FBXL18: variants seen among roughly 807,000 people sequenced by gnomAD.
FBXL18 encodes the protein F-box/LRR-repeat protein 18.
In FBXL18, 36 loss-of-function variants were observed where a neutral mutation model predicts 46.0. That is an observed-to-expected ratio of 0.78 (90% confidence interval 0.60 to 1.03). The LOEUF (loss-of-function observed/expected upper bound fraction) is 1.03, where lower values mean the gene tolerates loss of function less well. Among genes scored for constraint, FBXL18 ranks in the 50% least tolerant of loss-of-function variants. The pLI is 0.00. For synonymous variants in FBXL18, 557 were observed against 465.3 expected (o/e 1.20, Z -2.54); for missense variants, 977 against 1,004.1 (o/e 0.97, Z 0.36).
chr7:5,464,992 G>T (rs1381270751), intron 4 of FBXL18, among the ~76,000 whole-genome samples: 5 of 152,094 alleles, frequency 3.3e-5, no homozygotes, highest in African/African-American at 1.2e-4. Flanking sequence ...GAACCCAGGA[G>T]ATGGAGGTTG....
chr7:5,458,510 C>A (rs1394733333), intron 4 of FBXL18, among the ~76,000 whole-genome samples: 1 of 151,854 alleles, frequency 6.6e-6, no homozygotes, highest in South Asian at 2.1e-4. Context: ...CCAGCCTGAT[C>A]TACATGATGA....
In FBXL18 at chr7:5,501,502, T is replaced by C; in HGVS notation, c.767A>G (p.Asp256Gly). 6.2e-7 allele frequency: 1 copy of C among 1,613,778 alleles called. No individual in the cohort carries two copies. The highest frequency in any genetic ancestry group is 2.2e-5 in the East Asian group (1 of 44,860). The change falls in exon 3 of 5, where the codon GAC becomes GGC. Residue 256 changes from aspartate to glycine, a missense_variant. Asp to Gly is a moderately conservative substitution (Grantham distance 94). Transcript: ENST00000382368. ...VVRLYLAVLS[D>G]RTPQNLHAFL... ...GGCGTGGAGGTTCTGAGGAGTGCGG[T>C]CGCTAAGCACAGCCAGGTAGAGCCG...
intron 4 of FBXL18, among the ~76,000 whole-genome samples, chr7:5,484,236 G>A (rs940536027): frequency 9.2e-5 from 14 of 152,170 alleles, no homozygotes; most frequent in African/African-American, 1.9e-4. Flanking sequence ...GGGAGGCCAA[G>A]GCGGGTGGAT....
At chr7:5,460,706 GC>G (rs1783231679) in intron 4 of FBXL18, among the ~76,000 whole-genome samples, 1 of 152,132 alleles carries the variant, frequency 6.6e-6, no homozygotes, top group African/African-American at 2.4e-5. Flanking sequence ...GCCCACCTCG[GC>G]CTCCCAAAGC....
chr7:5,467,048 C>A (rs1490066663), intron 4 of FBXL18, among the ~76,000 whole-genome samples: 1 of 152,070 alleles, frequency 6.6e-6, no homozygotes, highest in African/African-American at 2.4e-5. Context: ...GAAACCCTGT[C>A]TCGATTAAAA....
chr7:5,500,027 T>C (rs1237740111), intron 3 of FBXL18, among the ~76,000 whole-genome samples: 3 of 151,068 alleles, frequency 2.0e-5, no homozygotes, highest in African/African-American at 7.3e-5. Context: ...ATGGCACCAC[T>C]GCACTCCAGC....
chr7:5,505,385 T>A, intron 2 of FBXL18, 27 bp downstream of exon 2: 1 of 1,604,548 alleles, frequency 6.2e-7, no homozygotes. Flanking sequence ...AGCTTGTTTC[T>A]CATCTCCTGC....
chr7:5,502,835 A>AG (rs1315833178), intron 2 of FBXL18, among the ~76,000 whole-genome samples: 2 of 16,362 alleles, frequency 1.2e-4, no homozygotes, highest in Non-Finnish European at 5.0e-4. Flanking sequence ...TCAAAAAAGA[A>AG]AAAAAAAAAA....
chr7:5,464,879 C>T (rs1284736821), intron 4 of FBXL18, among the ~76,000 whole-genome samples: 4 of 151,596 alleles, frequency 2.6e-5, no homozygotes, highest in African/African-American at 9.7e-5. Flanking sequence ...GCCTGGACAA[C>T]ACGGTGAAAC....
chr7:5,481,506 A>G lies in FBXL18; in HGVS notation c.*269T>C. On this transcript the variant is annotated 3_prime_UTR_variant, in exon 5 of 5. Transcript: ENST00000382368. ...ATACAAACCCCCCAGCCAGGCCCCA[A>G]GGGTCAGCCTGGTTCAGCCAGCCCC... 2.6e-6 allele frequency: 1 copy of G among 389,084 alleles called. No homozygotes were observed. Among genetic ancestry groups the G allele is most frequent in the Non-Finnish European group, 4.7e-6 (1 of 211,364 alleles). 24.1% of individuals were successfully genotyped at this position (389,084 alleles called of 1,614,324 possible).
In FBXL18 at chr7:5,496,563, C is replaced by T. The variant is rs1205488798; in HGVS notation, c.1781+3925G>A. Reference sequence around the variant, plus strand: ...GCCTGGACTCAGGGCTTGGCTTAGGCCCATCAACTAGGAGGCCACACTTAA... The same window carrying T: ...GCCTGGACTCAGGGCTTGGCTTAGGTCCATCAACTAGGAGGCCACACTTAA... On this transcript the variant is annotated intron_variant, in intron 3 of 4. Transcript: ENST00000382368. The surrounding 1 kb of genome is among the most constrained non-coding windows in gnomAD (Gnocchi z 4.8). Among the ~76,000 whole-genome samples the T allele has an allele frequency of 6.6e-6, 1 of 152,196 alleles. No homozygotes were observed. The highest frequency in any genetic ancestry group is 1.5e-5 in the Non-Finnish European group (1 of 68,038).
chr7:5,513,729 C>A lies in FBXL18; in HGVS notation c.-55G>T. On this transcript the variant is annotated 5_prime_UTR_variant, in exon 1 of 5. The change creates a new upstream start codon in the 5' untranslated region. Coordinates refer to ENST00000382368, the MANE Select transcript of FBXL18 (RefSeq NM_024963.6). ...GGATCCGCAACCCCGTGCCTCCCAC[C>A]TGCCCGGCTAGGGATGCTCGAAGCC... The A allele has an allele frequency of 6.3e-7, 1 of 1,580,488 alleles. No homozygotes were observed. The highest frequency in any genetic ancestry group is 8.6e-7 in the Non-Finnish European group (1 of 1,163,958).
chr7:5,505,644 G>C lies in FBXL18; in HGVS notation c.19-14C>G. 1 of 1,610,004 alleles carries C rather than the reference G, an allele frequency of 6.2e-7. No homozygotes were observed. The highest frequency in any genetic ancestry group is 8.5e-7 in the Non-Finnish European group (1 of 1,176,848). Reference sequence around the variant, plus strand: ...ATTGGATATGTCCTGAAAATAAGGGGGACACCATTCCCACAGGATCCCCAA... The same window carrying C: ...ATTGGATATGTCCTGAAAATAAGGGCGACACCATTCCCACAGGATCCCCAA... On this transcript the variant is annotated splice_polypyrimidine_tract_variant and intron_variant, in intron 1 of 4. Coordinates refer to ENST00000382368, the MANE Select transcript of FBXL18 (RefSeq NM_024963.6).
intron 4 of FBXL18, among the ~76,000 whole-genome samples, chr7:5,469,508 T>C (rs1783395131): frequency 6.6e-6 from 1 of 152,076 alleles, no homozygotes; most frequent in Non-Finnish European, 1.5e-5. Context: ...TCTGTACTTG[T>C]GCACGTGAGT....
rs1554316185 is a variant in FBXL18, at chr7:5,463,724, A to ATAT, written c.2001-15882_2001-15881insATA. Among the ~76,000 whole-genome samples, 71 of 59,622 alleles carry ATAT rather than the reference A, an allele frequency of 1.2e-3. 1 individual carries two copies. Among genetic ancestry groups the ATAT allele is most frequent in the Non-Finnish European group, 1.6e-3 (56 of 34,188 alleles). 39.1% of individuals were successfully genotyped at this position (59,622 alleles called of 152,430 possible). A position where few individuals can be genotyped will look rare whatever the true frequency, so the allele number is the denominator to read the frequency against. On this transcript the variant is annotated intron_variant and NMD_transcript_variant, in intron 4 of 6. Transcript: ENST00000415009. The stretch of plus-strand genomic sequence containing the variant: ...TATATATTTATTTATTTATTTATTT[A>ATAT]TTTATTTTTTTTTTTTTTTTTTTTT...
rs1784249488 is a variant in FBXL18, at chr7:5,501,388, G to A, written c.881C>T (p.Ala294Val). ...CAGCCAGGACTTGGGCAGCTGCAGG[G>A]CATCCAGCACGACATTGCGCGCCAT... Reference protein sequence around the residue: ...DSMARNVVLDALQLPKSWLNG... With the variant: ...DSMARNVVLDVLQLPKSWLNG... Residue 294 changes from alanine (A) to valine (V), a missense_variant, in exon 3 of 5, where the codon GCC (alanine) becomes GTC (valine). Physicochemically the swap from Ala to Val is moderately conservative, Grantham distance 64 (BLOSUM62 0). Coordinates refer to ENST00000382368, the MANE Select transcript of FBXL18 (RefSeq NM_024963.6). The A allele has an allele frequency of 6.2e-7, 1 of 1,613,896 alleles. No individual in the cohort carries two copies. The highest frequency in any genetic ancestry group is 8.5e-7 in the Non-Finnish European group (1 of 1,180,022).
At chr7:5,508,596 G>A (rs1784452262) in intron 1 of FBXL18, among the ~76,000 whole-genome samples, 1 of 150,396 alleles carries the variant, frequency 6.6e-6, no homozygotes, top group South Asian at 2.1e-4. Context: ...ATGACAGAGA[G>A]AGACCTTGTC....
At chr7:5,484,077 A>G (rs983884339) in intron 4 of FBXL18, among the ~76,000 whole-genome samples, 1 of 152,206 alleles carries the variant, frequency 6.6e-6, no homozygotes, top group African/African-American at 2.4e-5. Context: ...ACCACGGGTC[A>G]TGTGGCAGAC....
downstream of FBXL18, among the ~76,000 whole-genome samples, chr7:5,471,439 G>C (rs1783425594): frequency 6.6e-6 from 1 of 152,162 alleles, no homozygotes; most frequent in Non-Finnish European, 1.5e-5. Flanking sequence ...ACCACACCCA[G>C]TTAATTTTTT....
Sources: gnomAD v4.1 joint callset for allele counts (sites outside exome capture counted in the v4.1 genomes callset) on GRCh38, gnomAD v4.1.1 for gene constraint, Gnocchi (gnomAD v3.1) non-coding constraint, MANE v1.5 for transcripts, NCBI Gene and HGNC (gene_info 2026-07-23, HGNC 2026-07-21) for gene names.